Variants in TMIGD1 observed in about 807,000 individuals in gnomAD.
The protein encoded by TMIGD1 is transmembrane and immunoglobulin domain containing 1, also known as transmembrane and immunoglobulin domain-containing protein 1.
In TMIGD1, 29 loss-of-function variants were observed where a neutral mutation model predicts 27.5. That is an observed-to-expected ratio of 1.05 (90% CI 0.78 to 1.44). The LOEUF is 1.44. Among genes scored for constraint, TMIGD1 ranks in the 40% most tolerant of loss-of-function variants. TMIGD1 has a pLI of 0.00. For synonymous variants in TMIGD1, 109 were observed against 110.3 expected (o/e 0.99, Z 0.07); for missense variants, 334 against 310.6 (o/e 1.08, Z -0.57).
intron 4 of TMIGD1, among the ~76,000 whole-genome samples, chr17:30,319,261 A>AAAAAAAAATATATATATATATATATATAT: frequency 8.7e-5 from 6 of 69,030 alleles, no homozygotes; most frequent in African/African-American, 5.4e-4. Context: ...AAAAAAAAAA[A>AAAAAAAAATATATATATATATATATATAT]ATATATATAT....
intron 3 of TMIGD1, among the ~76,000 whole-genome samples, chr17:30,327,028 T>C (rs1909802858): frequency 6.7e-6 from 1 of 149,608 alleles, no homozygotes; most frequent in Non-Finnish European, 1.5e-5. Flanking sequence ...CATTATGGAT[T>C]ACTGAGCAAT....
At chr17:30,319,191 G>A (rs967738249) in intron 4 of TMIGD1, among the ~76,000 whole-genome samples, 4 of 145,736 alleles carry the variant, frequency 2.7e-5, no homozygotes, top group Non-Finnish European at 4.5e-5. Context: ...ATCACTTGAC[G>A]TCAGGAGTTC....
At chr17:30,326,464 G>A (rs750745822) in intron 3 of TMIGD1, among the ~76,000 whole-genome samples, 6 of 151,946 alleles carry the variant, frequency 3.9e-5, no homozygotes, top group African/African-American at 1.5e-4. Context: ...TGTACCCATA[G>A]GAAATATATC....
intron 4 of TMIGD1, among the ~76,000 whole-genome samples, chr17:30,320,447 T>C (rs975468434): frequency 3.9e-5 from 6 of 152,070 alleles, no homozygotes; most frequent in Non-Finnish European, 5.9e-5. Context: ...CCCCAAGATA[T>C]GAAAAGAAAG....
intron 2 of TMIGD1, 118 bp downstream of exon 2, chr17:30,331,934 C>T (rs1228564600): frequency 1.5e-6 from 1 of 681,486 alleles, no homozygotes; most frequent in African/African-American, 1.8e-5. Flanking sequence ...GTGAGCCATG[C>T]TAACTGTGTA....
chr17:30,324,786 G>C, intron 4 of TMIGD1, 30 bp downstream of exon 4: 1 of 1,609,438 alleles, frequency 6.2e-7, no homozygotes, highest in East Asian at 2.2e-5. Flanking sequence ...GTTTTGCACT[G>C]TGCTGGGTAT....
chr17:30,320,532 G>C (rs1319745253), intron 4 of TMIGD1, among the ~76,000 whole-genome samples: 1 of 152,150 alleles, frequency 6.6e-6, no homozygotes, highest in Non-Finnish European at 1.5e-5. Context: ...TAACCGAACT[G>C]TTAAATAATA....
intron 3 of TMIGD1, among the ~76,000 whole-genome samples, chr17:30,328,751 C>T (rs908070144): frequency 1.3e-5 from 2 of 151,838 alleles, no homozygotes; most frequent in African/African-American, 4.8e-5. Context: ...AGGTTAGGAG[C>T]TTGAGACCAG....
chr17:30,316,892 A>G (rs1226700183), intron 6 of TMIGD1: 1 of 642,894 alleles, frequency 1.6e-6, no homozygotes, highest in South Asian at 1.9e-5. Flanking sequence ...GTAAAGCAGT[A>G]TGGACCAGTG....
intron 1 of TMIGD1, 148 bp from the exon 2 acceptor site, chr17:30,332,306 C>A (rs914470194): frequency 1.9e-5 from 10 of 526,632 alleles, no homozygotes; most frequent in East Asian, 3.2e-5. Flanking sequence ...ATTAAACAAC[C>A]CTGTCTGACT....
At chr17:30,319,258 A>G (rs958491668) in intron 4 of TMIGD1, among the ~76,000 whole-genome samples, 1 of 104,032 alleles carries the variant, frequency 9.6e-6, no homozygotes, top group African/African-American at 6.1e-5. Context: ...AGAAAAAAAA[A>G]AAAATATATA....
intron 2 of TMIGD1, among the ~76,000 whole-genome samples, chr17:30,329,963 T>C (rs1909922428): frequency 6.6e-6 from 1 of 150,758 alleles, no homozygotes; most frequent in African/African-American, 2.4e-5. Flanking sequence ...TGTGCACCCA[T>C]ACTTTTAGCT....
chr17:30,330,122 CA>C (rs1230896780), intron 2 of TMIGD1, among the ~76,000 whole-genome samples: 3 of 152,020 alleles, frequency 2.0e-5, no homozygotes, highest in African/African-American at 7.2e-5. Context: ...CATCCCCAGA[CA>C]TCTGATTAGT....
chr17:30,329,313 CT>C lies in TMIGD1; in HGVS notation c.298del (p.Ser100AlafsTer18). The part of the protein sequence containing the change: ...SSISENDNGI[S>X]FTCRLGRDQS... ...ATCCCTCCCCAGCCTGCAGGTAAAG[CT>C]GATTCCGTTGTCATTTTCACTGATG... On this transcript the variant is annotated frameshift_variant, in exon 3 of 7. Transcript: ENST00000328886. LOFTEE classifies it high-confidence loss of function. The C allele has an allele frequency of 6.2e-7, 1 of 1,614,108 alleles. No homozygotes were observed. Among genetic ancestry groups the C allele is most frequent in the South Asian group, 1.1e-5 (1 of 91,064 alleles).
At chr17:30,318,067 CAAAAAAAT>C (rs1909478121) in intron 5 of TMIGD1, among the ~76,000 whole-genome samples, 1 of 148,930 alleles carries the variant, frequency 6.7e-6, no homozygotes, top group Non-Finnish European at 1.5e-5. Flanking sequence ...AACTCTATCT[CAAAAAAAT>C]AAAAAAAGAA....
chr17:30,329,060 G>C (rs1052082610), intron 3 of TMIGD1, among the ~76,000 whole-genome samples, 191 bp downstream of exon 3: 2 of 151,904 alleles, frequency 1.3e-5, no homozygotes, highest in Non-Finnish European at 2.9e-5. Flanking sequence ...AAATTTCAAA[G>C]GAGGCTGGCA....
chr17:30,326,732 C>T (rs1909788837), intron 3 of TMIGD1, among the ~76,000 whole-genome samples: 1 of 152,094 alleles, frequency 6.6e-6, no homozygotes, highest in Admixed American at 6.5e-5. Context: ...ATTTCTCCAA[C>T]GTTAACATCT....
intron 3 of TMIGD1, among the ~76,000 whole-genome samples, chr17:30,328,217 T>C (rs1489220878): frequency 6.6e-6 from 1 of 152,004 alleles, no homozygotes; most frequent in East Asian, 1.9e-4. Context: ...GTATTTTTAG[T>C]AGAGGCCAGG....
intron 4 of TMIGD1, among the ~76,000 whole-genome samples, chr17:30,319,261 A>AAAAAATATATATATAT: frequency 1.0e-4 from 7 of 69,042 alleles, no homozygotes; most frequent in South Asian, 4.2e-4. Context: ...AAAAAAAAAA[A>AAAAAATATATATATAT]ATATATATAT....
Sources: allele counts gnomAD v4.1 joint callset (sites outside exome capture counted in the v4.1 genomes callset), GRCh38; gene constraint gnomAD v4.1.1; transcripts MANE v1.5; gene names NCBI Gene and HGNC (gene_info 2026-07-23, HGNC 2026-07-21).